NRP1: variants seen among roughly 807,000 people sequenced by gnomAD.
NRP1 encodes the protein neuropilin-1.
Under a neutral mutation model 106.7 loss-of-function variants are expected in NRP1, and 35 were observed. That is an observed-to-expected ratio of 0.33 (90% CI 0.25 to 0.43). The LOEUF (loss-of-function observed/expected upper bound fraction) is 0.43. NRP1 is among the 20% of genes least tolerant of loss of function. The pLI is 1.00. For missense variants in NRP1, 1,024 were observed against 1,170.4 expected (o/e 0.87, Z 1.83); for synonymous variants, 437 against 417.9 (o/e 1.05, Z -0.56).
At chr10:33,222,492 C>T (rs965218219) in intron 7 of NRP1, among the ~76,000 whole-genome samples, 2 of 143,342 alleles carry the variant, frequency 1.4e-5, no homozygotes. Context: ...AGGGCTTGTG[C>T]GTCAAGATTT....
At chr10:33,202,674 C>T (rs1246618192) in intron 11 of NRP1, 1 of 1,545,982 alleles carries the variant, frequency 6.5e-7, no homozygotes, top group South Asian at 1.2e-5. Flanking sequence ...CTCGAAATGG[C>T]TCAAATTATT....
chr10:33,258,881 G>A (rs3780867), intron 4 of NRP1, among the ~76,000 whole-genome samples: 78,992 of 151,936 alleles, frequency 0.52, 21,295 homozygotes, highest in African/African-American at 0.66. Context: ...AATATTAAAA[G>A]AAAAGCCTTA....
chr10:33,193,266 CAG>C (rs998216488), intron 12 of NRP1, among the ~76,000 whole-genome samples: 4 of 152,158 alleles, frequency 2.6e-5, no homozygotes, highest in Non-Finnish European at 4.4e-5. Context: ...TTAAAACCCA[CAG>C]CCTGACATTT....
intron 6 of NRP1, among the ~76,000 whole-genome samples, chr10:33,249,259 T>C (rs1200149517): frequency 1.3e-5 from 2 of 152,154 alleles, no homozygotes; most frequent in African/African-American, 2.4e-5. Flanking sequence ...AATTAAATTC[T>C]GCTTTGCGTG....
intron 6 of NRP1, among the ~76,000 whole-genome samples, chr10:33,228,311 G>A (rs1036011010): frequency 1.3e-5 from 2 of 152,116 alleles, no homozygotes; most frequent in Non-Finnish European, 1.5e-5. Flanking sequence ...GGCAGACGCC[G>A]CAGTGAGCTG....
chr10:33,296,188 G>A (rs981225657), intron 2 of NRP1, among the ~76,000 whole-genome samples: 3 of 152,182 alleles, frequency 2.0e-5, no homozygotes, highest in Admixed American at 6.5e-5. Flanking sequence ...TTAAAAGAGG[G>A]TCATACATTC....
chr10:33,249,484 T>C, intron 6 of NRP1: 1 of 530,810 alleles, frequency 1.9e-6, no homozygotes, highest in South Asian at 1.4e-5. Context: ...GCCTGGGTTC[T>C]AATGATGTGC....
At chr10:33,293,586 G>A (rs1023750206) in intron 2 of NRP1, among the ~76,000 whole-genome samples, 9 of 152,240 alleles carry the variant, frequency 5.9e-5, no homozygotes, top group Admixed American at 3.3e-4. Context: ...ACGACCAACC[G>A]TCCACAGCAA....
At chr10:33,223,204 G>A (rs1839395446) in intron 7 of NRP1, among the ~76,000 whole-genome samples, 1 of 152,194 alleles carries the variant, frequency 6.6e-6, no homozygotes, top group East Asian at 1.9e-4. Context: ...AGGACATGAA[G>A]GTCTATGGTT....
intron 8 of NRP1, among the ~76,000 whole-genome samples, chr10:33,220,387 GA>G (rs1839134615): frequency 6.6e-6 from 1 of 152,086 alleles, no homozygotes; most frequent in South Asian, 2.1e-4. Flanking sequence ...GTAGTTCAAA[GA>G]CTTTTAGACA....
At chr10:33,251,840 A>G (rs1415047728) in intron 6 of NRP1, among the ~76,000 whole-genome samples, 1 of 152,154 alleles carries the variant, frequency 6.6e-6, no homozygotes, top group Non-Finnish European at 1.5e-5. Flanking sequence ...GGACTACATT[A>G]CTGATACGGG....
At chr10:33,259,341 G>A (rs1588866846) in intron 4 of NRP1, among the ~76,000 whole-genome samples, 1 of 152,038 alleles carries the variant, frequency 6.6e-6, no homozygotes, top group Non-Finnish European at 1.5e-5. Flanking sequence ...AGGCTTTTTC[G>A]ACTATAATAC....
intron 2 of NRP1, among the ~76,000 whole-genome samples, chr10:33,291,596 T>G (rs1401360990): frequency 6.6e-6 from 1 of 152,156 alleles, no homozygotes; most frequent in Non-Finnish European, 1.5e-5. Flanking sequence ...AAGAAATTAG[T>G]AGGAGCATAT....
chr10:33,185,469 A>T (rs542356420), intron 15 of NRP1, among the ~76,000 whole-genome samples, 159 bp downstream of exon 15: 1 of 152,316 alleles, frequency 6.6e-6, no homozygotes, highest in South Asian at 2.1e-4. Context: ...AATTGGGCTG[A>T]TTGTATGCCC....
intron 2 of NRP1, among the ~76,000 whole-genome samples, chr10:33,309,676 TA>T (rs1327664740): frequency 2.0e-5 from 3 of 152,350 alleles, no homozygotes; most frequent in Non-Finnish European, 4.4e-5. Flanking sequence ...ACCTCTCTCA[TA>T]ACGCCTTCCC....
At chr10:33,236,221 C>T (rs1840540553) in intron 6 of NRP1, among the ~76,000 whole-genome samples, 1 of 152,168 alleles carries the variant, frequency 6.6e-6, no homozygotes, top group South Asian at 2.1e-4. Flanking sequence ...TAGAAATTGC[C>T]TAACTGAAAT....
Position 33,317,349 on chromosome 10 carries a change from C to T in NRP1, c.248+13359G>A, listed in dbSNP as rs545273021. ...TGCCACTAAGAACCAACTCCCCTCC[C>T]TACTACTGGAAAATCTGTCATAACC... On this transcript the variant is annotated intron_variant, in intron 2 of 16. Transcript: ENST00000374867. Among the ~76,000 whole-genome samples the T allele has an allele frequency of 2.6e-5, 4 of 152,296 alleles. No individual in the cohort carries two copies. The South Asian group carries it at 8.3e-4, about 32-fold the overall frequency.
intron 6 of NRP1, among the ~76,000 whole-genome samples, chr10:33,241,935 T>C (rs1375832170): frequency 6.6e-6 from 1 of 152,206 alleles, no homozygotes; most frequent in African/African-American, 2.4e-5. Context: ...TCAGATGAAT[T>C]TTATATGAGA....
chr10:33,277,687 A>G (rs150259403), intron 2 of NRP1, among the ~76,000 whole-genome samples: 393 of 152,374 alleles, frequency 2.6e-3, no homozygotes, highest in African/African-American at 8.7e-3. Flanking sequence ...GTCATTCTAA[A>G]TGTGTATAAA....
Sources: gnomAD v4.1 joint callset for allele counts (sites outside exome capture counted in the v4.1 genomes callset) on GRCh38, gnomAD v4.1.1 for gene constraint, MANE v1.5 for transcripts, NCBI Gene and HGNC (gene_info 2026-07-23, HGNC 2026-07-21) for gene names.